The following CNTNAP2 variants were observed in gnomAD, a reference collection of about 807,000 sequenced individuals.
The protein encoded by CNTNAP2 is contactin associated protein 2.
A neutral mutation model predicts 155.2 loss-of-function variants in CNTNAP2; 98 were observed. The observed-to-expected ratio is 0.63, with a 90% CI of 0.54 to 0.75. CNTNAP2 has a LOEUF of 0.75. CNTNAP2 is among the 30% of genes least tolerant of loss of function. The pLI, the probability that CNTNAP2 is intolerant of heterozygous loss-of-function variation, is 0.00. For synonymous variants in CNTNAP2, 651 were observed against 631.2 expected, an observed-to-expected ratio of 1.03 and a Z score of -0.47; for missense variants, 1,727 against 1,688.1, an observed-to-expected ratio of 1.02 and a Z score of -0.40.
chr7:148,289,571 ACACT>A (rs1797153667), intron 21 of CNTNAP2, among the ~76,000 whole-genome samples: 1 of 71,146 alleles, frequency 1.4e-5, no homozygotes, highest in African/African-American at 6.2e-5. Context: ...GAATACACAC[ACACT>A]CACACTCACA....
At chr7:146,488,311 C>CCCTCCCTT (rs1797089003) in intron 1 of CNTNAP2, among the ~76,000 whole-genome samples, 2 of 132,384 alleles carry the variant, frequency 1.5e-5, no homozygotes, top group African/African-American at 6.1e-5. Context: ...CTTCCTCCCT[C>CCCTCCCTT]CCTTCCTTCC....
chr7:146,259,273 G>T (rs1358602768), intron 1 of CNTNAP2, among the ~76,000 whole-genome samples: 1 of 152,176 alleles, frequency 6.6e-6, no homozygotes, highest in Admixed American at 6.5e-5. Context: ...TTAATACAGA[G>T]AATTGGTACC....
At chr7:147,781,710 C>T (rs771109407) in intron 13 of CNTNAP2, among the ~76,000 whole-genome samples, 2 of 152,144 alleles carry the variant, frequency 1.3e-5, no homozygotes, top group African/African-American at 4.8e-5. Flanking sequence ...GTCAAGGAAG[C>T]CTTTCATGCA....
chr7:147,450,275 A>T (rs1797808826), intron 10 of CNTNAP2, among the ~76,000 whole-genome samples: 1 of 152,234 alleles, frequency 6.6e-6, no homozygotes, highest in Non-Finnish European at 1.5e-5. Context: ...GTGAGATGCA[A>T]TATGAGGAGC....
chr7:146,639,940 C>T (rs749922599), intron 1 of CNTNAP2, among the ~76,000 whole-genome samples: 10 of 152,142 alleles, frequency 6.6e-5, no homozygotes, highest in African/African-American at 1.9e-4. Context: ...GCCAACGGCA[C>T]CCAAGACTTA....
chr7:147,698,518 C>G (rs1045657352), intron 13 of CNTNAP2, among the ~76,000 whole-genome samples: 2 of 152,168 alleles, frequency 1.3e-5, no homozygotes, highest in Admixed American at 1.3e-4. Context: ...CCCATCCACA[C>G]TTAAGCTTTT....
intron 1 of CNTNAP2, among the ~76,000 whole-genome samples, chr7:146,168,148 C>T (rs1317921062): frequency 3.9e-5 from 6 of 152,132 alleles, no homozygotes; most frequent in African/African-American, 1.4e-4. Context: ...GTGGGTCTGC[C>T]TATTCCAGTC....
At chr7:146,727,224 T>C (rs1801445470) in intron 1 of CNTNAP2, among the ~76,000 whole-genome samples, 1 of 152,164 alleles carries the variant, frequency 6.6e-6, no homozygotes, top group African/African-American at 2.4e-5. Context: ...TGTTACACAG[T>C]GTCCTTTGCA....
chr7:147,205,193 T>C (rs1161993463), intron 8 of CNTNAP2, among the ~76,000 whole-genome samples: 1 of 152,188 alleles, frequency 6.6e-6, no homozygotes, highest in East Asian at 1.9e-4. Context: ...ACCAGAGTAG[T>C]GTACATCGTA....
chr7:146,873,862 G>A (rs1280153235), intron 3 of CNTNAP2, among the ~76,000 whole-genome samples: 2 of 152,052 alleles, frequency 1.3e-5, no homozygotes, highest in Non-Finnish European at 2.9e-5. Flanking sequence ...TTATGTGGAG[G>A]TGGAGGATCT....
intron 6 of CNTNAP2, among the ~76,000 whole-genome samples, chr7:147,128,114 C>T (rs1303885396): frequency 6.6e-6 from 1 of 152,088 alleles, no homozygotes; most frequent in Non-Finnish European, 1.5e-5. Context: ...ACTTTGAGTT[C>T]CCAAATCCTA....
intron 2 of CNTNAP2, among the ~76,000 whole-genome samples, chr7:146,830,086 C>A (rs1188666353): frequency 6.6e-6 from 1 of 152,094 alleles, no homozygotes; most frequent in African/African-American, 2.4e-5. Flanking sequence ...GTTTAACTCT[C>A]TGATTCCTGC....
chr7:147,882,606 G>T (rs917486986), intron 13 of CNTNAP2, among the ~76,000 whole-genome samples: 1 of 152,186 alleles, frequency 6.6e-6, no homozygotes, highest in Admixed American at 6.5e-5. Flanking sequence ...AGGTAGGAAG[G>T]CTTCCGAGTC....
chr7:147,101,828 C>A (rs1035946816), intron 4 of CNTNAP2, among the ~76,000 whole-genome samples: 1 of 151,988 alleles, frequency 6.6e-6, no homozygotes, highest in Non-Finnish European at 1.5e-5. Context: ...GTTCATGGAG[C>A]CTGGGGTTTG....
At chr7:147,897,294 A>G (rs1209425968) in intron 13 of CNTNAP2, among the ~76,000 whole-genome samples, 2 of 152,232 alleles carry the variant, frequency 1.3e-5, no homozygotes, top group African/African-American at 4.8e-5. Context: ...GATCACTCAA[A>G]GGAACAATCA....
chr7:146,939,963 A>C (rs1293824500), intron 3 of CNTNAP2, among the ~76,000 whole-genome samples: 2 of 152,140 alleles, frequency 1.3e-5, no homozygotes, highest in Non-Finnish European at 2.9e-5. Flanking sequence ...TCACCGGACT[A>C]ATGCTTACAG....
chr7:147,886,738 T>C (rs1799606815), intron 13 of CNTNAP2, among the ~76,000 whole-genome samples: 1 of 151,870 alleles, frequency 6.6e-6, no homozygotes, highest in African/African-American at 2.4e-5. Flanking sequence ...CCTGAGGAGG[T>C]AGTGCCAGCC....
intron 3 of CNTNAP2, among the ~76,000 whole-genome samples, chr7:146,978,500 G>C (rs893571293): frequency 1.3e-5 from 2 of 152,042 alleles, no homozygotes; most frequent in African/African-American, 4.8e-5. Flanking sequence ...TAATATCTAA[G>C]GCACTGTGAG....
chr7:148,321,534 A>G (rs1797790148), intron 21 of CNTNAP2, among the ~76,000 whole-genome samples: 1 of 152,202 alleles, frequency 6.6e-6, no homozygotes, highest in Non-Finnish European at 1.5e-5. Flanking sequence ...TTGACAGACC[A>G]TGGTTATTTC....
Sources: allele counts gnomAD v4.1 joint callset (sites outside exome capture counted in the v4.1 genomes callset), GRCh38; gene constraint gnomAD v4.1.1; transcripts MANE v1.5; gene names NCBI Gene and HGNC (gene_info 2026-07-23, HGNC 2026-07-21).